Variants in GALNT2 observed in about 807,000 individuals in gnomAD.
GALNT2 encodes polypeptide N-acetylgalactosaminyltransferase 2, also known as UDP-GalNAc:polypeptide N-acetylgalactosaminyltransferase 2.
Under a neutral mutation model 81.4 loss-of-function variants are expected in GALNT2, and 31 were observed. The ratio of observed to expected loss-of-function variants is 0.38; its 90% confidence interval spans 0.29 to 0.51. The LOEUF is 0.51. Ranked by LOEUF, GALNT2 falls within the 20% of genes least tolerant of loss-of-function variation. GALNT2 has a pLI of 0.87. For synonymous variants in GALNT2, 303 were observed against 287.4 expected, an observed-to-expected ratio of 1.05 and a Z score of -0.55; for missense variants, 629 against 765.7, an observed-to-expected ratio of 0.82 and a Z score of 2.11.
Position 230,243,485 on chromosome 1 carries a change from G to A in GALNT2, c.729+58G>A, listed in dbSNP as rs1024408401. 1 of 1,595,748 alleles carries A rather than the reference G, an allele frequency of 6.3e-7. No individual in the cohort carries two copies. Among genetic ancestry groups the A allele is most frequent in the Non-Finnish European group, 8.5e-7 (1 of 1,176,086 alleles). ...TCGTGGGTGGTTGGTAGAGGGGACA[G>A]AAGGGAGCATGGTCCAGGGGAGGTG... is the stretch of plus-strand genomic sequence containing the variant. On this transcript the variant is annotated intron_variant, in intron 7 of 15. Coordinates refer to ENST00000366672, the MANE Select transcript of GALNT2 (RefSeq NM_004481.5). The surrounding 1 kb of genome is among the most constrained non-coding windows in gnomAD (Gnocchi z 4.2).
chr1:230,233,823 G>T (rs1447615994), intron 3 of GALNT2, among the ~76,000 whole-genome samples: 1 of 152,164 alleles, frequency 6.6e-6, no homozygotes, highest in African/African-American at 2.4e-5. Context: ...AGGGCCAGAT[G>T]GTTGAAGCTT....
chr1:230,091,681 G>A (rs1412664887), intron 1 of GALNT2: 1 of 152,290 alleles, frequency 6.6e-6, no homozygotes, highest in African/African-American at 2.4e-5. Flanking sequence ...TCCATCAGCA[G>A]GAGGCGGTAG....
chr1:230,236,860 G>T, intron 6 of GALNT2, 135 bp downstream of exon 6: 3 of 729,956 alleles, frequency 4.1e-6, no homozygotes, highest in Non-Finnish European at 6.5e-6. Flanking sequence ...AGCCGCTTGG[G>T]AGACTTCTCC....
At chr1:230,126,300 C>T (rs1240540635) in intron 1 of GALNT2, among the ~76,000 whole-genome samples, 1 of 152,162 alleles carries the variant, frequency 6.6e-6, no homozygotes, top group Non-Finnish European at 1.5e-5. Context: ...GGCAGGCACC[C>T]CTCTGCAGAA....
chr1:230,259,363 C>T (rs1183788531), intron 11 of GALNT2: 6 of 152,198 alleles, frequency 3.9e-5, no homozygotes, highest in Non-Finnish European at 8.8e-5. Flanking sequence ...CAATACTTTT[C>T]ATAATTTTCT....
chr1:230,198,131 G>A (rs11122463), intron 2 of GALNT2, among the ~76,000 whole-genome samples: 33,433 of 152,096 alleles, frequency 0.22, 4,685 homozygotes, highest in Non-Finnish European at 0.31. Context: ...TCCTTTTCAC[G>A]GTCAGCCTCC....
intron 1 of GALNT2, among the ~76,000 whole-genome samples, chr1:230,108,811 A>G (rs1660615226): frequency 6.6e-6 from 1 of 151,662 alleles, no homozygotes. Flanking sequence ...GCTGTGAATC[A>G]CTGACATTGC....
At chr1:230,256,862 G>A (rs1439655813) in intron 11 of GALNT2, among the ~76,000 whole-genome samples, 1 of 152,126 alleles carries the variant, frequency 6.6e-6, no homozygotes, top group African/African-American at 2.4e-5. Flanking sequence ...ATGCAGTCAT[G>A]TGGTCGGGCA....
chr1:230,165,214 C>G (rs1662564481), intron 1 of GALNT2, among the ~76,000 whole-genome samples: 1 of 152,176 alleles, frequency 6.6e-6, no homozygotes, highest in Admixed American at 6.5e-5. Context: ...CAGGCTAATC[C>G]ATATGGATAC....
At chr1:230,255,477 C>A in intron 11 of GALNT2, 133 bp downstream of exon 11, 1 of 1,234,002 alleles carries the variant, frequency 8.1e-7, no homozygotes, top group Non-Finnish European at 1.1e-6. Context: ...TACCACTTAG[C>A]AATTGAAAGG....
intron 1 of GALNT2, among the ~76,000 whole-genome samples, chr1:230,119,346 C>T (rs1278535283): frequency 1.3e-5 from 2 of 152,154 alleles, no homozygotes; most frequent in African/African-American, 2.4e-5. Context: ...GGTAGTTTTC[C>T]ATGTTCCTCC....
chr1:230,068,779 C>T (rs1659285786), intron 1 of GALNT2, among the ~76,000 whole-genome samples: 1 of 152,172 alleles, frequency 6.6e-6, no homozygotes, highest in African/African-American at 2.4e-5. Context: ...CCTCTTTCCA[C>T]GTGCTGAATC....
chr1:230,189,752 A>G (rs917194032), intron 2 of GALNT2, among the ~76,000 whole-genome samples: 1 of 152,176 alleles, frequency 6.6e-6, no homozygotes, highest in Non-Finnish European at 1.5e-5. Context: ...ACCACCATCA[A>G]TTAGAGCTGT....
intron 1 of GALNT2, among the ~76,000 whole-genome samples, chr1:230,153,167 G>A (rs1471806100): frequency 1.3e-5 from 2 of 152,168 alleles, no homozygotes; most frequent in African/African-American, 2.4e-5. Flanking sequence ...GTGCTCAAGC[G>A]ATCTTCTTAT....
At chr1:230,218,584 T>G (rs1664457770) in intron 3 of GALNT2, among the ~76,000 whole-genome samples, 1 of 152,084 alleles carries the variant, frequency 6.6e-6, no homozygotes, top group Non-Finnish European at 1.5e-5. Context: ...CTGGAAAGAT[T>G]AGGAGGGAAG....
At chr1:230,105,114 T>C (rs1660505086) in intron 1 of GALNT2, among the ~76,000 whole-genome samples, 1 of 152,202 alleles carries the variant, frequency 6.6e-6, no homozygotes, top group African/African-American at 2.4e-5. Context: ...TGCTGTTAGA[T>C]CCATTCTGCT....
Position 230,226,516 on chromosome 1 carries a change from C to T in GALNT2, c.375-9498C>T, listed in dbSNP as rs146229043. Among the ~76,000 whole-genome samples, 778 of 152,358 alleles carry T rather than the reference C, an allele frequency of 5.1e-3. 6 individuals carry two copies. The highest frequency in any genetic ancestry group is 0.018 in the African/African-American group (743 of 41,592). On this transcript the variant is annotated intron_variant, in intron 3 of 15. Coordinates refer to ENST00000366672, the MANE Select transcript of GALNT2 (RefSeq NM_004481.5). ...CCACAGGCTCTCTCGGCTCATCTCA[C>T]CTGGCTGATGGGTGCACATGGAGAC...
At chr1:230,222,247 C>T (rs1229093614) in intron 3 of GALNT2, among the ~76,000 whole-genome samples, 2 of 151,874 alleles carry the variant, frequency 1.3e-5, no homozygotes, top group East Asian at 1.9e-4. Context: ...AGAATGGTCT[C>T]GATCTCCTGA....
In GALNT2 at chr1:230,236,062, G is replaced by T; in HGVS notation, c.423G>T (p.Val141=). ...TGGATCTGCCGGCCACCAGCGTGGT[G>T]ATCACGTTTCACAATGAAGCCAGGT... is the stretch of plus-strand genomic sequence containing the variant. The part of the protein sequence containing the change: ...WRVDLPATSV[V]ITFHNEARSA... Residue 141 remains valine, a synonymous_variant, in exon 4 of 16, where the codon GTG becomes GTT. Transcript: ENST00000366672. The T allele has an allele frequency of 6.2e-7, 1 of 1,613,988 alleles. No homozygotes were observed. The highest frequency in any genetic ancestry group is 2.2e-5 in the East Asian group (1 of 44,846).
Sources: gnomAD v4.1 joint callset for allele counts (sites outside exome capture counted in the v4.1 genomes callset) on GRCh38, gnomAD v4.1.1 for gene constraint, Gnocchi (gnomAD v3.1) non-coding constraint, MANE v1.5 for transcripts, NCBI Gene and HGNC (gene_info 2026-07-23, HGNC 2026-07-21) for gene names.